The following ADGRL3 variants were observed in gnomAD, a reference collection of about 807,000 sequenced individuals.
ADGRL3 encodes the protein calcium-independent alpha-latrotoxin receptor 3.
ADGRL3 carries 62 observed loss-of-function variants against 153.5 expected under a neutral mutation model. The observed-to-expected ratio is 0.40, with a 90% CI of 0.33 to 0.50. The LOEUF is 0.50. Among genes scored for constraint, ADGRL3 ranks in the 20% least tolerant of loss-of-function variants. ADGRL3 has a pLI of 0.47. For synonymous variants in ADGRL3, 710 were observed against 672.5 expected, an observed-to-expected ratio of 1.06 and a Z score of -0.86; for missense variants, 1,641 against 1,859.4, an observed-to-expected ratio of 0.88 and a Z score of 2.16.
rs72640011 is a variant in ADGRL3 at position 61,989,565 on chromosome 4, A to G, written c.3236+5962A>G. On this transcript the variant is annotated intron_variant, in intron 19 of 26. Transcript: ENST00000683033. Reference sequence around the variant, plus strand: ...TATGTGTAGTAAATACTGAAGGGTTATTGTGTCACCATTTTATCATCCAGA... The same window carrying G: ...TATGTGTAGTAAATACTGAAGGGTTGTTGTGTCACCATTTTATCATCCAGA... Among the ~76,000 whole-genome samples, 803 of 152,142 alleles carry G rather than the reference A, an allele frequency of 5.3e-3. 9 individuals are homozygous for G. Among genetic ancestry groups the G allele is most frequent in the Middle Eastern group, 0.01 (3 of 294 alleles).
intron 6 of ADGRL3, chr4:61,677,218 T>C (rs1212869196): frequency 6.0e-6 from 2 of 334,512 alleles, no homozygotes; most frequent in East Asian, 1.3e-4. Context: ...AGAAAAAGGT[T>C]GGGGGAGTGT....
At chr4:61,864,621 TG>T (rs1415711156) in intron 9 of ADGRL3, among the ~76,000 whole-genome samples, 1 of 152,226 alleles carries the variant, frequency 6.6e-6, no homozygotes, top group Non-Finnish European at 1.5e-5. Flanking sequence ...ACAGAATTTT[TG>T]TCTATGATTC....
intron 8 of ADGRL3, among the ~76,000 whole-genome samples, chr4:61,762,170 A>G (rs1227030262): frequency 6.6e-6 from 1 of 152,214 alleles, no homozygotes; most frequent in African/African-American, 2.4e-5. Context: ...AATGTGGCAT[A>G]TAATGTTCTA....
intron 1 of ADGRL3, among the ~76,000 whole-genome samples, chr4:61,216,075 C>A (rs902963518): frequency 6.6e-6 from 1 of 151,812 alleles, no homozygotes; most frequent in Non-Finnish European, 1.5e-5. Flanking sequence ...TTGAGCTTTT[C>A]AAAAAAACTG....
chr4:62,007,438 A>G (rs1475629222), intron 21 of ADGRL3, among the ~76,000 whole-genome samples: 19 of 130,612 alleles, frequency 1.5e-4, no homozygotes, highest in Admixed American at 2.3e-4. Flanking sequence ...ATATATATAT[A>G]TACACACACA....
At chr4:61,662,567 T>C (rs894067523) in intron 5 of ADGRL3, among the ~76,000 whole-genome samples, 47 of 152,156 alleles carry the variant, frequency 3.1e-4, no homozygotes, top group African/African-American at 1.1e-3. Flanking sequence ...TAGCTCAGCG[T>C]GGGCCTGCAG....
In ADGRL3 at chr4:61,983,464, C is replaced by T; in HGVS notation, c.3097C>T (p.Leu1033Phe). ...CTGGATGTTCCTGGAGGGGGTGCAG[C>T]TTTATATCATGCTGGTGGAGGTTTT... ...FTWMFLEGVQ[L>F]YIMLVEVFES... Residue 1033 changes from leucine (L) to phenylalanine (F), a missense_variant, in exon 19 of 27, where the codon CTT (leucine) becomes TTT (phenylalanine). By Grantham distance (22) the Leu-to-Phe change is conservative. Around this residue, in one of 5 missense-constraint regions of ADGRL3, gnomAD observed 734 missense variants for 797.0 expected, o/e 0.92. Coordinates refer to ENST00000683033, the MANE Select transcript of ADGRL3 (RefSeq NM_001387552.1). 1.2e-6 allele frequency: 2 copies of T among 1,613,880 alleles called. No individual in the cohort carries two copies. The highest frequency in any genetic ancestry group is 2.2e-5 in the East Asian group (1 of 44,854).
chr4:61,601,674 T>G (rs1560916833), intron 5 of ADGRL3, among the ~76,000 whole-genome samples: 1 of 151,936 alleles, frequency 6.6e-6, no homozygotes, highest in Admixed American at 6.6e-5. Flanking sequence ...AAGTTTAATT[T>G]TCTCTATCAT....
At chr4:61,895,227 C>T (rs2098621311) in intron 10 of ADGRL3, among the ~76,000 whole-genome samples, 2 of 152,124 alleles carry the variant, frequency 1.3e-5, no homozygotes, top group South Asian at 4.1e-4. Context: ...CAGCACTTTG[C>T]GAGGCCAAGG....
intron 1 of ADGRL3, among the ~76,000 whole-genome samples, chr4:61,328,273 C>T (rs73825113): frequency 0.032 from 4,936 of 152,040 alleles, 162 homozygotes; most frequent in African/African-American, 0.081. Context: ...GTGAATAGGC[C>T]GGGGTAGCAT....
chr4:61,307,341 G>T (rs2094826692), intron 1 of ADGRL3, among the ~76,000 whole-genome samples: 1 of 152,004 alleles, frequency 6.6e-6, no homozygotes, highest in African/African-American at 2.4e-5. Flanking sequence ...CTAACCTTAT[G>T]TTCAAATTTG....
intron 1 of ADGRL3, among the ~76,000 whole-genome samples, chr4:61,316,863 G>T (rs2095230162): frequency 6.6e-6 from 1 of 152,136 alleles, no homozygotes; most frequent in Non-Finnish European, 1.5e-5. Context: ...AATTACATAA[G>T]TGTCTATGCC....
chr4:61,758,749 T>G (rs1280836999), intron 8 of ADGRL3, among the ~76,000 whole-genome samples: 2 of 152,168 alleles, frequency 1.3e-5, no homozygotes, highest in South Asian at 2.1e-4. Context: ...TTTTGCTCAT[T>G]AGTTGATGCA....
chr4:61,697,232 T>A (rs2151236884), intron 6 of ADGRL3, among the ~76,000 whole-genome samples: 1 of 152,292 alleles, frequency 6.6e-6, no homozygotes, highest in South Asian at 2.1e-4. Flanking sequence ...TATCAGGTTT[T>A]ATAGTAGTAA....
At chr4:61,412,739 T>C (rs1172307752) in intron 2 of ADGRL3, among the ~76,000 whole-genome samples, 1 of 152,288 alleles carries the variant, frequency 6.6e-6, no homozygotes, top group Admixed American at 6.5e-5. Context: ...TTAATATAGG[T>C]TATTGTGTAT....
At chr4:61,592,073 C>CAAAAAAAAAAAAAAAAAAATAAA (rs34116654) in intron 5 of ADGRL3, among the ~76,000 whole-genome samples, 1 of 123,674 alleles carries the variant, frequency 8.1e-6, no homozygotes. Context: ...GAAACTGCTT[C>CAAAAAAAAAAAAAAAAAAATAAA]AAAAAAAAAA....
At chr4:62,041,622 T>C (rs1437919565) in intron 24 of ADGRL3, among the ~76,000 whole-genome samples, 2 of 152,178 alleles carry the variant, frequency 1.3e-5, no homozygotes, top group Non-Finnish European at 1.5e-5. Flanking sequence ...ATTTTGTTTT[T>C]CCATTCCCGC....
intron 9 of ADGRL3, among the ~76,000 whole-genome samples, chr4:61,871,002 G>A (rs1012392794): frequency 6.6e-6 from 1 of 152,182 alleles, no homozygotes; most frequent in Non-Finnish European, 1.5e-5. Flanking sequence ...ACGGGGGCCG[G>A]GCACGGTGGC....
At position 61,477,368 on chromosome 4, in the gene ADGRL3, T is replaced by TAC. The variant is rs5858703; in HGVS notation, c.-173-19731_-173-19730dup. Among the ~76,000 whole-genome samples the TAC allele has an allele frequency of 7.1e-3, 1,060 of 150,300 alleles. 12 individuals are homozygous for TAC. The highest frequency in any genetic ancestry group is 0.025 in the African/African-American group (1,012 of 41,058). ...GTTATTGTATATAGAATAGTGATGT[T>TAC]ACACACACACACACACACACACATG... On this transcript the variant is annotated intron_variant, in intron 2 of 26. Transcript: ENST00000683033.
Sources: gnomAD v4.1 joint callset for allele counts (sites outside exome capture counted in the v4.1 genomes callset) on GRCh38, gnomAD v4.1.1 for gene constraint, gnomAD v4.1.1 regional missense constraint, MANE v1.5 for transcripts, NCBI Gene and HGNC (gene_info 2026-07-23, HGNC 2026-07-21) for gene names.